Variants in SLC25A13 observed in about 807,000 individuals in gnomAD.
SLC25A13 encodes the protein solute carrier family 25 member 13, also known as electrogenic aspartate/glutamate antiporter SLC25A13, mitochondrial.
Under a neutral mutation model 85.5 loss-of-function variants are expected in SLC25A13, and 70 were observed. The observed-to-expected ratio is 0.82, with a 90% CI of 0.68 to 1.00. The LOEUF (loss-of-function observed/expected upper bound fraction) is 1.00. Among genes scored for constraint, SLC25A13 ranks in the 50% least tolerant of loss-of-function variants. SLC25A13 has a pLI of 0.00. For synonymous variants in SLC25A13, 259 were observed against 288.7 expected (o/e 0.90, Z 1.04); for missense variants, 765 against 819.8 (o/e 0.93, Z 0.82).
At chr7:96,176,704 G>A (rs979146324) in intron 11 of SLC25A13, among the ~76,000 whole-genome samples, 1 of 152,200 alleles carries the variant, frequency 6.6e-6, no homozygotes, top group Non-Finnish European at 1.5e-5. Context: ...TGGGCCCACT[G>A]TGTTCAACTA....
intron 10 of SLC25A13, chr7:96,184,714 G>A (rs1024904185): frequency 7.9e-6 from 5 of 635,810 alleles, no homozygotes; most frequent in African/African-American, 5.5e-5. Context: ...CTGATCTGTA[G>A]ATAGAGGAAA....
chr7:96,121,769 A>G lies in SLC25A13; in HGVS notation c.1751-24T>C, dbSNP rs375555060. 135 of 1,613,480 alleles carry G rather than the reference A, an allele frequency of 8.4e-5. No homozygotes were observed. Among genetic ancestry groups the G allele is most frequent in the Non-Finnish European group, 1.1e-4 (130 of 1,179,596 alleles). ...AGCTTTAAAAAAATGGAGAAATCAC[A>G]GATATAATTAGATATTTTAAAAATT... On this transcript the variant is annotated intron_variant, in intron 16 of 17. Coordinates refer to ENST00000265631, the MANE Select transcript of SLC25A13 (RefSeq NM_014251.3).
intron 14 of SLC25A13, among the ~76,000 whole-genome samples, chr7:96,137,744 C>T (rs1357501725): frequency 6.6e-6 from 1 of 152,170 alleles, no homozygotes; most frequent in Non-Finnish European, 1.5e-5. Context: ...CCTGTCTCAG[C>T]CTCCCAAGTA....
At chr7:96,258,501 T>C (rs1383837322) in intron 3 of SLC25A13, among the ~76,000 whole-genome samples, 6 of 151,998 alleles carry the variant, frequency 3.9e-5, no homozygotes, top group Non-Finnish European at 1.5e-5. Flanking sequence ...GGAATACAAC[T>C]TACAAGGGAT....
chr7:96,242,816 T>C (rs1053833313), intron 3 of SLC25A13, among the ~76,000 whole-genome samples: 2 of 152,216 alleles, frequency 1.3e-5, no homozygotes, highest in African/African-American at 4.8e-5. Context: ...ATGTAATTGA[T>C]TGAAATCTCA....
chr7:96,219,360 T>G (rs780334963), intron 4 of SLC25A13, among the ~76,000 whole-genome samples: 1 of 152,174 alleles, frequency 6.6e-6, no homozygotes, highest in Non-Finnish European at 1.5e-5. Flanking sequence ...TAAAGTCATA[T>G]GTGGTATTGG....
chr7:96,179,866 A>G (rs529290570), intron 11 of SLC25A13, among the ~76,000 whole-genome samples: 44 of 152,308 alleles, frequency 2.9e-4, no homozygotes, highest in African/African-American at 1.0e-3. Context: ...CAGAATTTTA[A>G]AGTTTATTTT....
At chr7:96,238,238 T>C (rs192148644) in intron 3 of SLC25A13, among the ~76,000 whole-genome samples, 3 of 152,132 alleles carry the variant, frequency 2.0e-5, no homozygotes, top group Middle Eastern at 3.4e-3. Context: ...AGGGTGACGC[T>C]TCTTCAAGCC....
chr7:96,183,784 G>A (rs1794510950), intron 11 of SLC25A13, among the ~76,000 whole-genome samples: 1 of 152,178 alleles, frequency 6.6e-6, no homozygotes, highest in South Asian at 2.1e-4. Flanking sequence ...AGAGGGGTGT[G>A]TGAATCAACT....
rs1215130208 is a variant in SLC25A13 at position 96,277,297 on chromosome 7, G to A, written c.111C>T (p.Pro37=). The A allele has an allele frequency of 6.2e-7, 1 of 1,612,938 alleles. No homozygotes were observed. The highest frequency in any genetic ancestry group is 2.2e-5 in the East Asian group (1 of 44,806). ...IEKNGEFFMS[P]NDFVTRYLNI... ...TCAAGTATCGAGTGACAAAGTCATTGGGGGACATGAAAAATTCACCGTTTT... is the reference window on the plus strand; with the variant it reads ...TCAAGTATCGAGTGACAAAGTCATTAGGGGACATGAAAAATTCACCGTTTT... Residue 37 remains proline, a synonymous_variant, in exon 3 of 18, where the codon CCC becomes CCT. Coordinates refer to ENST00000265631, the MANE Select transcript of SLC25A13 (RefSeq NM_014251.3).
chr7:96,307,026 C>G (rs946223702), intron 1 of SLC25A13, among the ~76,000 whole-genome samples: 2 of 152,110 alleles, frequency 1.3e-5, no homozygotes, highest in African/African-American at 2.4e-5. Context: ...TTTGTACTTC[C>G]TTCCCCTCAG....
intron 3 of SLC25A13, among the ~76,000 whole-genome samples, chr7:96,259,412 C>T (rs1017645150): frequency 1.3e-5 from 2 of 152,030 alleles, no homozygotes; most frequent in African/African-American, 4.8e-5. Context: ...TGAACAGACA[C>T]TTCTGAAAAA....
chr7:96,313,383 T>C (rs556468564), intron 1 of SLC25A13, among the ~76,000 whole-genome samples: 19 of 152,166 alleles, frequency 1.2e-4, no homozygotes, highest in Non-Finnish European at 4.4e-5. Context: ...CAATGGTGAA[T>C]TGCATAAAGA....
intron 4 of SLC25A13, among the ~76,000 whole-genome samples, chr7:96,218,393 G>C (rs1272723129): frequency 6.6e-6 from 1 of 152,102 alleles, no homozygotes; most frequent in Non-Finnish European, 1.5e-5. Flanking sequence ...TCAGACACTA[G>C]AGATATTTAA....
chr7:96,314,563 CCA>C (rs1219686241), intron 1 of SLC25A13, among the ~76,000 whole-genome samples: 1 of 152,090 alleles, frequency 6.6e-6, no homozygotes, highest in African/African-American at 2.4e-5. Context: ...TAAGGCAAAC[CCA>C]CAGAGTCTTA....
chr7:96,250,596 GT>G (rs1285423769), intron 3 of SLC25A13, among the ~76,000 whole-genome samples: 2 of 152,102 alleles, frequency 1.3e-5, no homozygotes, highest in African/African-American at 4.8e-5. Context: ...TATATAGGTG[GT>G]TTTTTCAACA....
chr7:96,222,233 G>T (rs1252455300), intron 4 of SLC25A13, among the ~76,000 whole-genome samples: 1 of 152,094 alleles, frequency 6.6e-6, no homozygotes, highest in East Asian at 1.9e-4. Context: ...AGGACAAAAG[G>T]TCACTGTAGT....
chr7:96,259,682 T>C (rs1396575790), intron 3 of SLC25A13, among the ~76,000 whole-genome samples: 1 of 152,150 alleles, frequency 6.6e-6, no homozygotes, highest in African/African-American at 2.4e-5. Context: ...GAAATACCAT[T>C]TGACCTAGCA....
Position 96,165,242 on chromosome 7 carries a change from A to C in SLC25A13, c.1311+4803T>G, listed in dbSNP as rs147486534. Among the ~76,000 whole-genome samples, 133 of 152,298 alleles carry C rather than the reference A, an allele frequency of 8.7e-4. 1 individual carries two copies. The highest frequency in any genetic ancestry group is 6.8e-3 in the Middle Eastern group (2 of 294). ...AAGGTGGTAAGAACCATGGCAGCAG[A>C]AGAAGAAGGGAGGGATGATGGGAAG... On this transcript the variant is annotated intron_variant, in intron 13 of 17. Coordinates refer to ENST00000265631, the MANE Select transcript of SLC25A13 (RefSeq NM_014251.3).
Sources: allele counts gnomAD v4.1 joint callset (sites outside exome capture counted in the v4.1 genomes callset), GRCh38; gene constraint gnomAD v4.1.1; transcripts MANE v1.5; gene names NCBI Gene and HGNC (gene_info 2026-07-23, HGNC 2026-07-21).